The following RNF43 variants were observed in gnomAD, a reference collection of about 807,000 sequenced individuals.
RNF43 encodes E3 ubiquitin-protein ligase RNF43.
A neutral mutation model predicts 78.4 loss-of-function variants in RNF43; 37 were observed. The observed-to-expected ratio is 0.47, with a 90% confidence interval of 0.36 to 0.62. The LOEUF is 0.62. Ranked by LOEUF, RNF43 falls within the 20% of genes least tolerant of loss-of-function variation. The pLI, the probability that RNF43 is intolerant of heterozygous loss-of-function variation, is 0.00. For missense variants in RNF43, 774 were observed against 1,007.9 expected, an observed-to-expected ratio of 0.77 and a Z score of 3.14; for synonymous variants, 347 against 395.0, an observed-to-expected ratio of 0.88 and a Z score of 1.44.
chr17:58,367,539 G>C (rs1237225962), intron 3 of RNF43, among the ~76,000 whole-genome samples: 1 of 152,212 alleles, frequency 6.6e-6, no homozygotes. Context: ...TCCATGGTAA[G>C]AGAGGCAGGG....
intron 2 of RNF43, among the ~76,000 whole-genome samples, chr17:58,383,861 AC>A (rs1472778549): frequency 6.6e-6 from 1 of 151,606 alleles, no homozygotes; most frequent in African/African-American, 2.4e-5. Flanking sequence ...CAAGTGATCT[AC>A]CCGACTTGAC....
intron 2 of RNF43, among the ~76,000 whole-genome samples, chr17:58,377,063 A>AT (rs1252683339): frequency 6.6e-6 from 1 of 151,374 alleles, no homozygotes; most frequent in African/African-American, 2.4e-5. Flanking sequence ...ATTTGTTCTG[A>AT]TTTTTTCCCC....
downstream of RNF43, chr17:58,352,559 T>G: frequency 9.1e-6 from 2 of 220,992 alleles, no homozygotes; most frequent in East Asian, 1.3e-4. Context: ...TTTGTTTTTT[T>G]TTGTTTTGTC....
At chr17:58,359,404 G>A (rs1395575332) in intron 8 of RNF43, among the ~76,000 whole-genome samples, 2 of 149,722 alleles carry the variant, frequency 1.3e-5, no homozygotes, top group East Asian at 2.0e-4. Context: ...AGACCATCCT[G>A]GCTAACATGG....
chr17:58,410,196 T>C (rs1246371139), intron 2 of RNF43, among the ~76,000 whole-genome samples: 8 of 152,234 alleles, frequency 5.3e-5, no homozygotes, highest in African/African-American at 1.9e-4. Flanking sequence ...TAAATCTGTT[T>C]GATGATAACT....
intron 2 of RNF43, among the ~76,000 whole-genome samples, chr17:58,390,154 G>A (rs974318791): frequency 6.6e-5 from 10 of 152,070 alleles, no homozygotes; most frequent in African/African-American, 9.7e-5. Context: ...AGGTGGGAAC[G>A]AGACAAACCC....
chr17:58,375,622 T>C lies in RNF43; in HGVS notation c.253-4589A>G, dbSNP rs76880059. Reference sequence around the variant, plus strand: ...CCAGATAATTGACGATAGTTAACTATGAAGACAAGACAGAGCACACCCAAA... The same window carrying C: ...CCAGATAATTGACGATAGTTAACTACGAAGACAAGACAGAGCACACCCAAA... On this transcript the variant is annotated intron_variant, in intron 2 of 9. Coordinates refer to ENST00000407977, the MANE Select transcript of RNF43 (RefSeq NM_017763.6). Among the ~76,000 whole-genome samples the C allele has an allele frequency of 7.2e-3, 1,089 of 152,288 alleles. 45 individuals carry two copies. The East Asian group carries it at 0.11, about 16-fold the overall frequency.
intron 2 of RNF43, among the ~76,000 whole-genome samples, chr17:58,384,679 C>G (rs1254914634): frequency 6.6e-6 from 1 of 152,138 alleles, no homozygotes. Flanking sequence ...GGTACTAAAT[C>G]TAATGAAGGG....
In RNF43 at chr17:58,360,799, T is replaced by A. The variant is rs772730824; in HGVS notation, c.833A>T (p.Glu278Val). ...CTGCCTTACCTGCCCCTCAGAGAACTCCTCCAGACAGATGGCACACACAGG... is the reference window on the plus strand; with the variant it reads ...CTGCCTTACCTGCCCCTCAGAGAACACCTCCAGACAGATGGCACACACAGG... ...SAPVCAICLE[E>V]FSEGQELRVI... Residue 278 changes from glutamate (E) to valine (V), a missense_variant, in exon 7 of 10, where the codon GAG becomes GTG. Physicochemically the swap from Glu to Val is moderately radical, Grantham distance 121 (BLOSUM62 -2). Transcript: ENST00000407977. This position sits in a 1 kb window ranked among gnomAD's most constrained non-coding sequence, Gnocchi z 4.3. 5.2e-5 allele frequency: 84 copies of A among 1,606,574 alleles called. No homozygotes were observed. The highest frequency in any genetic ancestry group is 7.0e-5 in the Non-Finnish European group (82 of 1,176,014).
chr17:58,412,748 GAATT>G (rs1297179829), intron 2 of RNF43, among the ~76,000 whole-genome samples: 1 of 150,562 alleles, frequency 6.6e-6, no homozygotes, highest in African/African-American at 2.4e-5. Context: ...TCTATACACT[GAATT>G]AATTGAGCAA....
intron 2 of RNF43, among the ~76,000 whole-genome samples, chr17:58,406,707 A>G (rs927593000): frequency 6.6e-6 from 1 of 152,094 alleles, no homozygotes; most frequent in African/African-American, 2.4e-5. Context: ...AGATAATACA[A>G]AAGACTGTAG....
At chr17:58,398,958 A>C (rs1423793686) in intron 2 of RNF43, among the ~76,000 whole-genome samples, 1 of 152,234 alleles carries the variant, frequency 6.6e-6, no homozygotes, top group Non-Finnish European at 1.5e-5. Flanking sequence ...GAGAAGAAGG[A>C]GGCTTCCCAA....
In RNF43 at chr17:58,357,508, T is replaced by C. The variant is rs754064531; in HGVS notation, c.2268A>G (p.Pro756=). ...GCACCTGGCAGTGCGGATAAGGGCATGGCCTGCCCTCTGCGGTGTCAGAAC... is the reference window on the plus strand; with the variant it reads ...GCACCTGGCAGTGCGGATAAGGGCACGGCCTGCCCTCTGCGGTGTCAGAAC... ...EWSSDTAEGR[P]CPYPHCQVLS... The change falls in exon 9 of 10, where the codon CCA becomes CCG. Residue 756 remains proline (P), a synonymous_variant. Transcript: ENST00000407977. This position sits in a 1 kb window ranked among gnomAD's most constrained non-coding sequence, Gnocchi z 4.5. 34 of 1,614,122 alleles carry C rather than the reference T, an allele frequency of 2.1e-5. No homozygotes were observed. In the East Asian group the frequency reaches 6.9e-4, roughly 33 times the overall value.
At chr17:58,414,521 C>CT (rs1345515196) in intron 2 of RNF43, among the ~76,000 whole-genome samples, 5 of 152,172 alleles carry the variant, frequency 3.3e-5, no homozygotes, top group Admixed American at 6.5e-5. Flanking sequence ...TAGGCTCTGT[C>CT]TTTACTATGG....
intron 9 of RNF43, among the ~76,000 whole-genome samples, chr17:58,355,849 G>C (rs1972674665): frequency 6.6e-6 from 1 of 152,222 alleles, no homozygotes; most frequent in South Asian, 2.1e-4. Context: ...GGGAAGGGAA[G>C]AGCTAGGAGG....
chr17:58,415,899 C>T lies in RNF43; in HGVS notation c.-322G>A, dbSNP rs914165187. On this transcript the variant is annotated 5_prime_UTR_variant, in exon 2 of 10. Transcript: ENST00000407977. ...CTTTGCTTGTGATTGAATGTCACTT[C>T]GTGAATTTGTATTATGTCAGATCAC... The T allele has an allele frequency of 7.1e-6, 3 of 420,932 alleles. No homozygotes were observed. The highest frequency in any genetic ancestry group is 4.0e-5 in the East Asian group (1 of 25,040). 26.1% of individuals were successfully genotyped at this position (420,932 alleles called of 1,614,324 possible).
chr17:58,355,753 G>C (rs1365194434), intron 9 of RNF43, among the ~76,000 whole-genome samples: 1 of 152,232 alleles, frequency 6.6e-6, no homozygotes, highest in African/African-American at 2.4e-5. Flanking sequence ...CAGCAATAGG[G>C]AGGGTAGGTG....
Position 58,415,366 on chromosome 17 carries a change from C to T in RNF43, c.212G>A (p.Gly71Asp). 1 of 1,614,222 alleles carries T rather than the reference C, an allele frequency of 6.2e-7. No individual in the cohort carries two copies. The highest frequency in any genetic ancestry group is 8.5e-7 in the Non-Finnish European group (1 of 1,180,026). ...TTCTGCTGGAGTTATTTCAGCAACA[C>T]CAGCAAACACACCTTCCAAAGTGAG... ...LNLTLEGVFA[G>D]VAEITPAEGK... The change falls in exon 2 of 10, where the codon GGT becomes GAT. Residue 71 changes from glycine (G) to aspartate (D), a missense_variant. Coordinates refer to ENST00000407977, the MANE Select transcript of RNF43 (RefSeq NM_017763.6).
In RNF43 at chr17:58,362,726, G is replaced by A. The variant is rs2285989; in HGVS notation, c.583-78C>T. 4,738 of 1,130,508 alleles carry A rather than the reference G, an allele frequency of 4.2e-3. 149 individuals are homozygous for A. The Admixed American group carries it at 0.05, about 12-fold the overall frequency. The allele number at this position is 1,130,508 out of a possible 1,614,324, so 70.0% of individuals were successfully genotyped here. A position where few individuals can be genotyped will look rare whatever the true frequency, so the allele number is the denominator to read the frequency against. On this transcript the variant is annotated intron_variant, in intron 5 of 9. Coordinates refer to ENST00000407977, the MANE Select transcript of RNF43 (RefSeq NM_017763.6). Reference sequence around the variant, plus strand: ...AATTCGGGAGGAAACACAGGAGCCCGGGAGGCACATAGCTAACTGGAGGTT... The same window carrying A: ...AATTCGGGAGGAAACACAGGAGCCCAGGAGGCACATAGCTAACTGGAGGTT...
Sources: allele counts gnomAD v4.1 joint callset (sites outside exome capture counted in the v4.1 genomes callset), GRCh38; gene constraint gnomAD v4.1.1; non-coding constraint Gnocchi (gnomAD v3.1); transcripts MANE v1.5; gene names NCBI Gene and HGNC (gene_info 2026-07-23, HGNC 2026-07-21).